PCDHGA6: variants seen among roughly 807,000 people sequenced by gnomAD.
PCDHGA6 encodes the protein protocadherin gamma-A6.
Under a neutral mutation model 60.6 loss-of-function variants are expected in PCDHGA6, and 41 were observed. That is an observed-to-expected ratio of 0.68 (90% confidence interval 0.53 to 0.88). The LOEUF (loss-of-function observed/expected upper bound fraction) is 0.88, where lower values mean the gene tolerates loss of function less well. Among genes scored for constraint, PCDHGA6 ranks in the 40% least tolerant of loss-of-function variants. PCDHGA6 has a pLI of 0.00. For missense variants in PCDHGA6, 1,312 were observed against 1,203.0 expected (o/e 1.09, Z -1.34); for synonymous variants, 594 against 524.4 (o/e 1.13, Z -1.81).
chr5:141,454,990 T>C (rs548911982), intron 1 of PCDHGA6, among the ~76,000 whole-genome samples: 1 of 151,490 alleles, frequency 6.6e-6, no homozygotes, highest in African/African-American at 2.4e-5. Context: ...TAAAAAATAT[T>C]TTTAGTAGAG....
chr5:141,504,078 C>T (rs1333392062), intron 2 of PCDHGA6, among the ~76,000 whole-genome samples: 1 of 152,078 alleles, frequency 6.6e-6, no homozygotes, highest in Non-Finnish European at 1.5e-5. Flanking sequence ...CCAGATGGTG[C>T]CAAACAGTTA....
In PCDHGA6 at chr5:141,431,746, G is replaced by C. The variant is rs780453684; in HGVS notation, c.2424+55239G>C. 6.2e-7 allele frequency: 1 copy of C among 1,614,062 alleles called. No individual in the cohort carries two copies. Among genetic ancestry groups the C allele is most frequent in the African/African-American group, 1.3e-5 (1 of 74,932 alleles). On this transcript the variant is annotated intron_variant, in intron 1 of 3. Transcript: ENST00000517434. The surrounding 1 kb of genome is among the most constrained non-coding windows in gnomAD (Gnocchi z 4.8). ...CAATGGATAATGCAGGATATTCTGC[G>C]CGAGCCAAAGTCCTGATCACTGTTC... is the stretch of plus-strand genomic sequence containing the variant.
rs2099455203 is a variant in PCDHGA6 at position 141,478,427 on chromosome 5, C to T, written c.2425-16380C>T. The T allele has an allele frequency of 1.9e-6, 3 of 1,613,742 alleles. No individual in the cohort carries two copies. Among genetic ancestry groups the T allele is most frequent in the Non-Finnish European group, 2.5e-6 (3 of 1,180,014 alleles). On this transcript the variant is annotated intron_variant, in intron 1 of 3. Coordinates refer to ENST00000517434, the MANE Select transcript of PCDHGA6 (RefSeq NM_018919.3). ...CACCACGGACTCCCGCCGCAGCGAC[C>T]CGCTGCTGAAGAAACCTGGTGCAGC...
At chr5:141,503,263 C>T (rs2099818883) in intron 2 of PCDHGA6, among the ~76,000 whole-genome samples, 2 of 152,212 alleles carry the variant, frequency 1.3e-5, no homozygotes, top group South Asian at 4.2e-4. Context: ...GCCACAACCC[C>T]AGCACCTGGC....
chr5:141,394,298 G>A (rs763864270), intron 1 of PCDHGA6: 1 of 1,613,840 alleles, frequency 6.2e-7, no homozygotes, highest in African/African-American at 1.3e-5. Context: ...CCGAGGACAC[G>A]CTGCAGGGGG....
rs959855220 is a variant in PCDHGA6, at chr5:141,476,280, G to A, written c.2425-18527G>A. 4 of 1,614,010 alleles carry A rather than the reference G, an allele frequency of 2.5e-6. No individual in the cohort carries two copies. In the African/African-American group the frequency reaches 5.3e-5, roughly 22 times the overall value. On this transcript the variant is annotated intron_variant, in intron 1 of 3. Transcript: ENST00000517434. This position sits in a 1 kb window ranked among gnomAD's most constrained non-coding sequence, Gnocchi z 7.6. ...GTGGGCAACGTGGTCGCGAACCTTG[G>A]TTTGGATCTCGGTAGCCTCTCAGCC...
At chr5:141,381,066 C>T (rs1178029702) in intron 1 of PCDHGA6, among the ~76,000 whole-genome samples, 1 of 152,200 alleles carries the variant, frequency 6.6e-6, no homozygotes, top group Non-Finnish European at 1.5e-5. Context: ...GCAAAGATAA[C>T]TATGGATTAT....
At chr5:141,501,871 C>T (rs562714939) in intron 2 of PCDHGA6, among the ~76,000 whole-genome samples, 3 of 152,244 alleles carry the variant, frequency 2.0e-5, no homozygotes, top group African/African-American at 7.2e-5. Context: ...CAGGACGCCT[C>T]CTTACACTCC....
intron 1 of PCDHGA6, among the ~76,000 whole-genome samples, chr5:141,434,819 A>G (rs2097719619): frequency 6.6e-6 from 1 of 151,946 alleles, no homozygotes; most frequent in Admixed American, 6.6e-5. Flanking sequence ...TATATCCCTT[A>G]GTACACTTGG....
At chr5:141,449,837 T>A (rs917239289) in intron 1 of PCDHGA6, among the ~76,000 whole-genome samples, 3 of 151,742 alleles carry the variant, frequency 2.0e-5, no homozygotes, top group Non-Finnish European at 4.4e-5. Context: ...TTCTTTTATA[T>A]AATTAAATTT....
intron 1 of PCDHGA6, among the ~76,000 whole-genome samples, chr5:141,402,117 A>G (rs1344939045): frequency 6.6e-6 from 1 of 152,172 alleles, no homozygotes; most frequent in Non-Finnish European, 1.5e-5. Context: ...AAATGTGAAA[A>G]TTTCCAACTT....
chr5:141,493,250 C>T lies in PCDHGA6; in HGVS notation c.2425-1557C>T, dbSNP rs1330348553. On this transcript the variant is annotated intron_variant, in intron 1 of 3. Coordinates refer to ENST00000517434, the MANE Select transcript of PCDHGA6 (RefSeq NM_018919.3). The surrounding 1 kb of genome is among the most constrained non-coding windows in gnomAD (Gnocchi z 4.3). ...TGCTGTTGGCTAGGTACTAACATGC[C>T]TCTCTTATAACAGCTTCACAGAGGT... Among the ~76,000 whole-genome samples the T allele has an allele frequency of 1.3e-5, 2 of 152,154 alleles. No homozygotes were observed. Among genetic ancestry groups the T allele is most frequent in the Non-Finnish European group, 2.9e-5 (2 of 68,024 alleles).
chr5:141,460,507 G>A (rs2098991001), intron 1 of PCDHGA6, among the ~76,000 whole-genome samples: 1 of 152,036 alleles, frequency 6.6e-6, no homozygotes. Context: ...ATGCTGAGAA[G>A]GCTATCTTTT....
At chr5:141,383,101 T>C (rs1561594429) in intron 1 of PCDHGA6, 2 of 1,613,954 alleles carry the variant, frequency 1.2e-6, no homozygotes, top group Non-Finnish European at 8.5e-7. Flanking sequence ...CCGCATCATC[T>C]CCAGAGGTAG....
intron 1 of PCDHGA6, chr5:141,419,406 C>A (rs367731612): frequency 1.9e-6 from 3 of 1,613,404 alleles, no homozygotes; most frequent in Non-Finnish European, 2.5e-6. Context: ...GTGGTGTTCG[C>A]GCAGCGCGCC....
Position 141,427,654 on chromosome 5 carries a change from TCCACGTGGC to T in PCDHGA6, c.2424+51149_2424+51157del, listed in dbSNP as rs562748605. On this transcript the variant is annotated intron_variant, in intron 1 of 3. Coordinates refer to ENST00000517434, the MANE Select transcript of PCDHGA6 (RefSeq NM_018919.3). ...GTTTTCCACCAAGTCTCCTACGTGG[TCCACGTGGC>T]CGAAAACAACCTTCCCGGAGCCTCC... 2.0e-4 allele frequency: 148 copies of T among 727,622 alleles called. No individual in the cohort carries two copies. The African/African-American group carries it at 2.4e-3, about 12-fold the overall frequency. The allele number at this position is 727,622 out of a possible 1,614,324, so 45.1% of individuals were successfully genotyped here.
chr5:141,435,260 T>C (rs1591368331), intron 1 of PCDHGA6, among the ~76,000 whole-genome samples: 1 of 152,236 alleles, frequency 6.6e-6, no homozygotes, highest in African/African-American at 2.4e-5. Context: ...TAGGGATATG[T>C]CCATTTATAC....
rs765751691 is a variant in PCDHGA6 at position 141,431,363 on chromosome 5, C to G, written c.2424+54856C>G. The G allele has an allele frequency of 6.2e-7, 1 of 1,614,024 alleles. No individual in the cohort carries two copies. The highest frequency in any genetic ancestry group is 2.2e-5 in the East Asian group (1 of 44,882). ...ATTGGTGCTGAAACGCGCCCTGGAC[C>G]GCGAAGAAAAGGCTGCTCACCACCT... is the stretch of plus-strand genomic sequence containing the variant. On this transcript the variant is annotated intron_variant, in intron 1 of 3. Transcript: ENST00000517434. This position sits in a 1 kb window ranked among gnomAD's most constrained non-coding sequence, Gnocchi z 4.8.
intron 1 of PCDHGA6, chr5:141,405,312 A>G: frequency 1.2e-6 from 2 of 1,614,208 alleles, no homozygotes; most frequent in Non-Finnish European, 8.5e-7. Context: ...AGCTGTGAGA[A>G]AAATGAGCCT....
Sources: allele counts gnomAD v4.1 joint callset (sites outside exome capture counted in the v4.1 genomes callset), GRCh38; gene constraint gnomAD v4.1.1; non-coding constraint Gnocchi (gnomAD v3.1); transcripts MANE v1.5; gene names NCBI Gene and HGNC (gene_info 2026-07-23, HGNC 2026-07-21).